The following TNC variants were observed in gnomAD, a reference collection of about 807,000 sequenced individuals.
TNC encodes tenascin C, also known as tenascin.
Under a neutral mutation model 202.4 loss-of-function variants are expected in TNC, and 109 were observed. That is an observed-to-expected ratio of 0.54 (90% CI 0.46 to 0.63). The LOEUF is 0.63. Ranked by LOEUF, TNC falls within the 30% of genes least tolerant of loss-of-function variation. The pLI is 0.00. For synonymous variants in TNC, 1,007 were observed against 1,089.7 expected, an observed-to-expected ratio of 0.92 and a Z score of 1.50; for missense variants, 2,756 against 2,833.3, an observed-to-expected ratio of 0.97 and a Z score of 0.62.
intron 1 of TNC, among the ~76,000 whole-genome samples, chr9:115,093,590 C>T (rs1835390949): frequency 1.3e-5 from 2 of 150,700 alleles, no homozygotes; most frequent in South Asian, 4.2e-4. Context: ...CAAAGTTCTA[C>T]TTTCCTACCC....
chr9:115,048,406 A>G lies in TNC; in HGVS notation c.4706T>C (p.Leu1569Pro). The change falls in exon 16 of 28, where the codon CTG becomes CCG. Residue 1569 changes from leucine (L) to proline (P), a missense_variant. This residue lies in a region of TNC where 2,559 missense variants were observed against 2,546.0 expected (regional missense o/e 1.01). Coordinates refer to ENST00000350763, the MANE Select transcript of TNC (RefSeq NM_002160.4). ...AAGTGTGAATTCCTGGGGGTCCAGC[A>G]GCTTCCCAGAATCCACCACCGTTAC... ...FLVTVVDSGK[L>P]LDPQEFTLSG... 6.2e-7 allele frequency: 1 copy of G among 1,613,964 alleles called. No homozygotes were observed. The highest frequency in any genetic ancestry group is 2.2e-5 in the East Asian group (1 of 44,888).
At chr9:115,089,359 T>C (rs1256576273) in intron 2 of TNC, among the ~76,000 whole-genome samples, 5 of 152,218 alleles carry the variant, frequency 3.3e-5, no homozygotes, top group Non-Finnish European at 5.9e-5. Flanking sequence ...ACTTTAGTTA[T>C]TGGAGATAAA....
rs1032071115 is a variant in TNC at position 115,117,436 on chromosome 9, T to G, written c.-137+546A>C. On this transcript the variant is annotated intron_variant, in intron 1 of 27. Coordinates refer to ENST00000350763, the MANE Select transcript of TNC (RefSeq NM_002160.4). ...GGCCCAGGAGCCACCTCCTCTCTTC[T>G]GTCCCCCAGCTCTCATTTCCAGGGT... Among the ~76,000 whole-genome samples, 4 of 152,360 alleles carry G rather than the reference T, an allele frequency of 2.6e-5. No individual in the cohort carries two copies. The East Asian group carries it at 7.7e-4, about 29-fold the overall frequency.
chr9:115,035,219 C>T lies in TNC; in HGVS notation c.5772G>A (p.Val1924=). 1 of 1,612,004 alleles carries T rather than the reference C, an allele frequency of 6.2e-7. No individual in the cohort carries two copies. The highest frequency in any genetic ancestry group is 1.1e-5 in the South Asian group (1 of 90,694). The change falls in exon 22 of 28, where the codon GTG becomes GTA. Residue 1924 remains valine, a synonymous_variant. Coordinates refer to ENST00000350763, the MANE Select transcript of TNC (RefSeq NM_002160.4). The stretch of plus-strand genomic sequence containing the variant: ...CTTAAAATACCTTGACTGTGCCATC[C>T]ACTGATTCATAGACCAGCAGGTAAC... ...VTGYLLVYES[V]DGTVKEVIVG...
At chr9:115,057,892 A>C (rs1832256565) in intron 14 of TNC, among the ~76,000 whole-genome samples, 1 of 152,230 alleles carries the variant, frequency 6.6e-6, no homozygotes, top group Admixed American at 6.5e-5. Flanking sequence ...CATCTATTCA[A>C]ATGAGGGCTA....
chr9:115,045,472 T>A (rs1013968364), intron 17 of TNC, among the ~76,000 whole-genome samples: 1 of 151,700 alleles, frequency 6.6e-6, no homozygotes. Context: ...GCTCAAGAGA[T>A]CTTCCTGCCT....
intron 18 of TNC, among the ~76,000 whole-genome samples, chr9:115,041,783 G>C (rs1300281814): frequency 6.6e-6 from 1 of 152,170 alleles, no homozygotes; most frequent in Non-Finnish European, 1.5e-5. Flanking sequence ...CATGCGCTTT[G>C]AGTTAGAACT....
intron 15 of TNC, chr9:115,055,774 G>T (rs1832070375): frequency 1.3e-5 from 2 of 152,480 alleles, no homozygotes; most frequent in Admixed American, 1.3e-4. Context: ...AAAGAAAAAA[G>T]AAAGTGTGTC....
In TNC at chr9:115,075,749, C is replaced by T. The variant is rs1239089867; in HGVS notation, c.2950+283G>A. On this transcript the variant is annotated intron_variant, in intron 9 of 27. Transcript: ENST00000350763. ...GCAGTGAGCTGAGATCATGCCACTA[C>T]ACTCCAGCCTGGTGGCAGAGCGATA... is the stretch of plus-strand genomic sequence containing the variant. Among the ~76,000 whole-genome samples the T allele has an allele frequency of 2.0e-5, 3 of 152,186 alleles. No homozygotes were observed. In the East Asian group the frequency reaches 5.8e-4, roughly 29 times the overall value.
At chr9:115,111,357 A>G (rs539909840) in intron 1 of TNC, among the ~76,000 whole-genome samples, 2 of 134,544 alleles carry the variant, frequency 1.5e-5, no homozygotes, top group South Asian at 5.2e-4. Context: ...GTTACACAGG[A>G]TTGTGATGTG....
At chr9:115,117,369 CT>C (rs1027758886) in intron 1 of TNC, among the ~76,000 whole-genome samples, 5 of 152,268 alleles carry the variant, frequency 3.3e-5, no homozygotes, top group Admixed American at 6.5e-5. Context: ...CCCAGTAAAG[CT>C]GTTCTCCACC....
intron 1 of TNC, among the ~76,000 whole-genome samples, chr9:115,098,979 T>G (rs1412211460): frequency 7.0e-6 from 1 of 143,730 alleles, no homozygotes; most frequent in African/African-American, 2.6e-5. Flanking sequence ...CTGATCTCCA[T>G]AGTTGAGTGA....
intron 20 of TNC, among the ~76,000 whole-genome samples, chr9:115,037,571 A>G (rs1163312677): frequency 6.6e-6 from 1 of 152,116 alleles, no homozygotes; most frequent in Non-Finnish European, 1.5e-5. Flanking sequence ...TCTCTCACCC[A>G]GGCTGGAGTG....
At chr9:115,096,821 G>A (rs1835832039) in intron 1 of TNC, among the ~76,000 whole-genome samples, 1 of 152,140 alleles carries the variant, frequency 6.6e-6, no homozygotes, top group African/African-American at 2.4e-5. Flanking sequence ...TTTTCCCCCA[G>A]CCTTGTCCTT....
chr9:115,023,039 A>G (rs1248929569), intron 27 of TNC, among the ~76,000 whole-genome samples: 2 of 143,410 alleles, frequency 1.4e-5, no homozygotes, highest in African/African-American at 5.3e-5. Context: ...CAAATATGCA[A>G]AAAAAAAAAA....
chr9:115,062,978 G>A lies in TNC; in HGVS notation c.3972C>T (p.Val1324=). 6.2e-7 allele frequency: 1 copy of A among 1,614,100 alleles called. No individual in the cohort carries two copies. The highest frequency in any genetic ancestry group is 8.5e-7 in the Non-Finnish European group (1 of 1,179,996). The change falls in exon 13 of 28, where the codon GTC becomes GTT. Residue 1324 remains valine, a synonymous_variant. Coordinates refer to ENST00000350763, the MANE Select transcript of TNC (RefSeq NM_002160.4). The part of the protein sequence containing the change: ...PGLRAGTPYT[V]TLHGEVRGHS... ...GGCCCCTGACCTCGCCGTGCAGGGT[G>A]ACTGTGTAAGGAGTGCCAGCCCTGA...
chr9:115,064,190 C>T, intron 11 of TNC, 122 bp from the exon 12 acceptor site: 1 of 959,148 alleles, frequency 1.0e-6, no homozygotes, highest in Non-Finnish European at 1.5e-6. Context: ...TTTAGATAAA[C>T]ATGCATCATG....
At chr9:115,039,257 G>C (rs1830557950) in intron 19 of TNC, among the ~76,000 whole-genome samples, 1 of 152,168 alleles carries the variant, frequency 6.6e-6, no homozygotes, top group African/African-American at 2.4e-5. Context: ...TCTGTGCCCT[G>C]GGAAAATTCA....
At position 115,094,814 on chromosome 9, in the gene TNC, CCTCTGTGT is replaced by C. The variant is rs1447445183; in HGVS notation, c.-136-3668_-136-3661del. ...GTAGCCCCTAAGGACAGAACAAGTG[CCTCTGTGT>C]GTGTGTGTGTGTGTGTGTGTGTGTG... On this transcript the variant is annotated intron_variant, in intron 1 of 27. Transcript: ENST00000350763. 3.5e-3 allele frequency among the ~76,000 whole-genome samples: 231 copies of C among 66,748 alleles called. 3 individuals carry two copies. The highest frequency in any genetic ancestry group is 6.6e-3 in the Middle Eastern group (1 of 152). 43.8% of individuals were successfully genotyped at this position (66,748 alleles called of 152,430 possible).
Sources: gnomAD v4.1 joint callset for allele counts (sites outside exome capture counted in the v4.1 genomes callset) on GRCh38, gnomAD v4.1.1 for gene constraint, gnomAD v4.1.1 regional missense constraint, MANE v1.5 for transcripts, NCBI Gene and HGNC (gene_info 2026-07-23, HGNC 2026-07-21) for gene names.